ADGRG2: variants seen among roughly 807,000 people sequenced by gnomAD.
The protein encoded by ADGRG2 is G protein-coupled receptor 64.
A neutral mutation model predicts 74.1 loss-of-function variants in ADGRG2; 26 were observed. The ratio of observed to expected loss-of-function variants is 0.35; its 90% CI spans 0.26 to 0.49. The LOEUF (loss-of-function observed/expected upper bound fraction) is 0.49, where lower values mean the gene tolerates loss of function less well. Among genes scored for constraint, ADGRG2 ranks in the 20% least tolerant of loss-of-function variants. The probability of loss-of-function intolerance (pLI) is 0.99; values close to 1 mark genes in which losing one functional copy is unlikely to be tolerated. For missense variants in ADGRG2, 619 were observed against 763.1 expected (o/e 0.81, Z 2.22); for synonymous variants, 296 against 295.2 (o/e 1.00, Z -0.03).
chrX:19,000,041 T>C, intron 24 of ADGRG2, 81 bp from the exon 25 acceptor site: 1 of 513,782 alleles, frequency 1.9e-6, no homozygotes, highest in Non-Finnish European at 3.3e-6. Flanking sequence ...TCACCCAGGC[T>C]GGAGTGCAGT....
intron 16 of ADGRG2, among the ~76,000 whole-genome samples, chrX:19,011,992 G>A (rs917604734): frequency 1.8e-5 from 2 of 112,038 alleles, no homozygotes; most frequent in South Asian, 3.7e-4. Flanking sequence ...GCCTATTCCC[G>A]TCAAATCTTT....
At chrX:19,023,782 C>T in intron 12 of ADGRG2, 127 bp downstream of exon 12, 1 of 497,759 alleles carries the variant, frequency 2.0e-6, no homozygotes, top group Non-Finnish European at 3.5e-6. Context: ...AAAACTAGTC[C>T]ATTCATTCTC....
chrX:19,105,496 A>T (rs5955520), intron 1 of ADGRG2, among the ~76,000 whole-genome samples: 26,963 of 109,348 alleles, frequency 0.25, 4,657 homozygotes, highest in African/African-American at 0.62. Context: ...ACCAAACACC[A>T]CATGTTCTCA....
At chrX:19,075,438 G>A (rs766091727) in intron 2 of ADGRG2, among the ~76,000 whole-genome samples, 107 of 108,001 alleles carry the variant, frequency 9.9e-4, no homozygotes, top group African/African-American at 3.2e-3. Flanking sequence ...CTAACGAGGC[G>A]GAACCCCCGT....
At chrX:18,996,226 G>A in intron 26 of ADGRG2, 74 bp from the exon 27 acceptor site, 1 of 518,317 alleles carries the variant, frequency 1.9e-6, no homozygotes, top group Non-Finnish European at 3.4e-6. Flanking sequence ...TTGCACAAAA[G>A]ATATTAATAA....
Position 19,107,639 on chromosome X carries a change from T to TTTG in ADGRG2, c.-47+14802_-47+14803insCAA, listed in dbSNP as rs200743848. On this transcript the variant is annotated intron_variant, in intron 1 of 28. Coordinates refer to ENST00000379869, the MANE Select transcript of ADGRG2 (RefSeq NM_001079858.3). ...CAGTTCCAGGAGTTTTGTTTTTTGT[T>TTTG]TTTTTTTTTTTTTTCATTTCAAAAG... 4.8e-3 allele frequency among the ~76,000 whole-genome samples: 412 copies of TTTG among 86,368 alleles called. 3 individuals carry two copies. The highest frequency in any genetic ancestry group is 0.022 in the African/African-American group (325 of 14,549). 75.0% of individuals were successfully genotyped at this position (86,368 alleles called of 115,157 possible). A position where few individuals can be genotyped will look rare whatever the true frequency, so the allele number is the denominator to read the frequency against.
At chrX:19,012,694 T>G (rs1054621250) in intron 16 of ADGRG2, among the ~76,000 whole-genome samples, 8 of 109,243 alleles carry the variant, frequency 7.3e-5, no homozygotes, top group Non-Finnish European at 1.5e-4. Flanking sequence ...AGTGCAAATT[T>G]GAAGAAATAT....
intron 12 of ADGRG2, 76 bp downstream of exon 12, chrX:19,023,833 A>G: frequency 1.5e-6 from 1 of 686,292 alleles, no homozygotes; most frequent in South Asian, 2.3e-5. Flanking sequence ...CATATCTCCC[A>G]GGAATGCAGA....
At chrX:19,031,150 A>C in intron 8 of ADGRG2, 113 bp from the exon 9 acceptor site, 1 of 542,418 alleles carries the variant, frequency 1.8e-6, no homozygotes, top group Non-Finnish European at 3.2e-6. Context: ...GAAATATTAT[A>C]AGCTGGAATT....
intron 1 of ADGRG2, among the ~76,000 whole-genome samples, chrX:19,089,238 C>T (rs1170118225): frequency 9.0e-6 from 1 of 111,331 alleles, no homozygotes; most frequent in Non-Finnish European, 1.9e-5. Flanking sequence ...AAGTTTCTAG[C>T]CCCTCCCTTT....
Position 19,115,330 on chromosome X carries a change from T to C in ADGRG2, c.-47+7112A>G, listed in dbSNP as rs182501315. ...AGCAAACTACACAAAGTCCCTGCCTTCCTGGAACTTATATTCCAGGAAGGA... is the reference window on the plus strand; with the variant it reads ...AGCAAACTACACAAAGTCCCTGCCTCCCTGGAACTTATATTCCAGGAAGGA... On this transcript the variant is annotated intron_variant, in intron 1 of 28. Coordinates refer to ENST00000379869, the MANE Select transcript of ADGRG2 (RefSeq NM_001079858.3). Among the ~76,000 whole-genome samples, 183 of 111,402 alleles carry C rather than the reference T, an allele frequency of 1.6e-3. 1 individual carries two copies. The highest frequency in any genetic ancestry group is 4.0e-3 in the Admixed American group (42 of 10,466).
chrX:19,069,077 T>C (rs1278083597), intron 2 of ADGRG2, among the ~76,000 whole-genome samples: 1 of 112,329 alleles, frequency 8.9e-6, no homozygotes, highest in Non-Finnish European at 1.9e-5. Context: ...TGTGGATTTA[T>C]GGAAAACATC....
chrX:19,067,113 G>A (rs1168680666), intron 3 of ADGRG2, among the ~76,000 whole-genome samples: 1 of 111,744 alleles, frequency 8.9e-6, no homozygotes, highest in Non-Finnish European at 1.9e-5. Context: ...TGTATGCTGA[G>A]TAAATGACTT....
At chrX:18,996,702 G>T (rs752405700) in intron 26 of ADGRG2, among the ~76,000 whole-genome samples, 30 of 109,986 alleles carry the variant, frequency 2.7e-4, no homozygotes, top group African/African-American at 1.0e-3. Context: ...CCTGCCCCAG[G>T]TGCTGGCATG....
intron 14 of ADGRG2, among the ~76,000 whole-genome samples, chrX:19,020,435 A>G (rs1291265182): frequency 9.0e-6 from 1 of 111,408 alleles, no homozygotes; most frequent in African/African-American, 3.3e-5. Context: ...TTATCATATT[A>G]TCAAATAAGA....
chrX:19,065,774 C>CT (rs1355274861), intron 3 of ADGRG2, among the ~76,000 whole-genome samples: 1 of 111,623 alleles, frequency 9.0e-6, no homozygotes, highest in Non-Finnish European at 1.9e-5. Context: ...AGTGGGGACT[C>CT]TTGAGTTTTG....
intron 1 of ADGRG2, among the ~76,000 whole-genome samples, chrX:19,102,023 C>T (rs1301053264): frequency 5.4e-5 from 6 of 110,892 alleles, no homozygotes; most frequent in African/African-American, 2.0e-4. Flanking sequence ...AGAAGTGGCT[C>T]GCTTTACTTC....
At chrX:19,083,795 A>G (rs905924597) in intron 1 of ADGRG2, among the ~76,000 whole-genome samples, 64 of 111,898 alleles carry the variant, frequency 5.7e-4, no homozygotes, top group African/African-American at 2.0e-3. Flanking sequence ...GATGACAGTC[A>G]CTTCACGTAA....
chrX:19,099,016 C>T (rs2062144506), intron 1 of ADGRG2, among the ~76,000 whole-genome samples: 1 of 111,651 alleles, frequency 9.0e-6, no homozygotes. Flanking sequence ...GAAACCCCAT[C>T]TCTACTAAAA....
Sources: allele counts gnomAD v4.1 joint callset (sites outside exome capture counted in the v4.1 genomes callset), GRCh38; gene constraint gnomAD v4.1.1; transcripts MANE v1.5; gene names NCBI Gene and HGNC (gene_info 2026-07-23, HGNC 2026-07-21).